CNTN6: variants seen among roughly 807,000 people sequenced by gnomAD.
CNTN6 encodes contactin-6.
Under a neutral mutation model 122.8 loss-of-function variants are expected in CNTN6, and 137 were observed. That is an observed-to-expected ratio of 1.12 (90% CI 0.97 to 1.29). CNTN6 has a LOEUF of 1.29. CNTN6 is among the 50% of genes most tolerant of loss of function. The pLI is 0.00. For missense variants in CNTN6, 1,634 were observed against 1,223.4 expected (o/e 1.34, Z -5.01); for synonymous variants, 570 against 426.0 (o/e 1.34, Z -4.16).
rs1231954085 is a variant in CNTN6, at chr3:1,402,455, C to G, written c.2955C>G (p.Ser985Arg). ...TCAGTGATGGTGGAGATGGAAGCAG[C>G]AGTGAGGAAATTAGGATTCCAAAAA... ...RTVSDGGDGS[S>R]SEEIRIPKMS... The change falls in exon 22 of 23, where the codon AGC becomes AGG. Residue 985 changes from serine to arginine, a missense_variant. Physicochemically the swap from Ser to Arg is moderately radical, Grantham distance 110 (BLOSUM62 -1). Transcript: ENST00000446702. The G allele has an allele frequency of 6.2e-7, 1 of 1,610,424 alleles. No individual in the cohort carries two copies. The highest frequency in any genetic ancestry group is 1.7e-5 in the Admixed American group (1 of 59,812).
intron 4 of CNTN6, among the ~76,000 whole-genome samples, chr3:1,250,924 G>T (rs376688897): frequency 5.2e-4 from 42 of 80,408 alleles, no homozygotes; most frequent in African/African-American, 2.2e-3. Flanking sequence ...ATTTCCAGAT[G>T]ATCCCTCCTC....
At chr3:1,345,425 CTTATAA>C (rs1460263225) in intron 11 of CNTN6, among the ~76,000 whole-genome samples, 1 of 152,048 alleles carries the variant, frequency 6.6e-6, no homozygotes, top group Non-Finnish European at 1.5e-5. Context: ...CATACAATTA[CTTATAA>C]TTAAAGTTAC....
chr3:1,218,594 T>C (rs2094161110), intron 2 of CNTN6, among the ~76,000 whole-genome samples: 1 of 152,090 alleles, frequency 6.6e-6, no homozygotes, highest in South Asian at 2.1e-4. Flanking sequence ...ACTAGTCACA[T>C]ACAGGGGAAG....
intron 12 of CNTN6, among the ~76,000 whole-genome samples, chr3:1,369,823 A>T (rs1183997599): frequency 1.3e-5 from 2 of 151,858 alleles, no homozygotes; most frequent in Non-Finnish European, 1.5e-5. Flanking sequence ...AGTTCTAAAA[A>T]ATTTTCTTGG....
intron 8 of CNTN6, among the ~76,000 whole-genome samples, chr3:1,324,743 C>A (rs973631348): frequency 2.0e-5 from 3 of 149,462 alleles, no homozygotes; most frequent in Admixed American, 1.3e-4. Context: ...TTTCCTGATG[C>A]TTTTCCCTTG....
intron 7 of CNTN6, among the ~76,000 whole-genome samples, chr3:1,314,073 G>A (rs2125936281): frequency 6.6e-6 from 1 of 152,120 alleles, no homozygotes; most frequent in South Asian, 2.1e-4. Context: ...CTGACTGCAA[G>A]GACAGAATCA....
intron 2 of CNTN6, among the ~76,000 whole-genome samples, chr3:1,193,762 C>T (rs764029615): frequency 2.6e-5 from 4 of 152,216 alleles, no homozygotes; most frequent in Non-Finnish European, 4.4e-5. Flanking sequence ...ATGCAGTCCA[C>T]TCTGTGAACA....
chr3:1,118,067 G>A (rs180917892), intron 1 of CNTN6, among the ~76,000 whole-genome samples: 3 of 152,220 alleles, frequency 2.0e-5, no homozygotes, highest in Admixed American at 2.0e-4. Context: ...AAATACCTAT[G>A]CCATGTTTTC....
chr3:1,158,899 T>TACACACAC (rs1215687212), intron 2 of CNTN6, among the ~76,000 whole-genome samples: 1 of 129,846 alleles, frequency 7.7e-6, no homozygotes, highest in African/African-American at 3.3e-5. Context: ...CACATATATA[T>TACACACAC]ACACATATAT....
At chr3:1,395,038 G>A (rs559547932) in intron 20 of CNTN6, among the ~76,000 whole-genome samples, 1 of 152,236 alleles carries the variant, frequency 6.6e-6, no homozygotes, top group African/African-American at 2.4e-5. Flanking sequence ...GTAATTCCTA[G>A]ATATCTAGTT....
intron 4 of CNTN6, among the ~76,000 whole-genome samples, chr3:1,258,675 G>A (rs888628314): frequency 1.3e-5 from 2 of 152,104 alleles, no homozygotes; most frequent in South Asian, 2.1e-4. Context: ...TTTTCTCCTC[G>A]TGTCACCTTT....
In CNTN6 at chr3:1,176,055, C is replaced by G. The variant is rs187204986; in HGVS notation, c.55+27992C>G. ...TTGAAAAGCTCTGAGTTTATTGTCC[C>G]TGTAGAAATATTGAGTACAAACAGT... On this transcript the variant is annotated intron_variant, in intron 2 of 22. Coordinates refer to ENST00000446702, the MANE Select transcript of CNTN6 (RefSeq NM_001289080.2). 2.6e-3 allele frequency among the ~76,000 whole-genome samples: 390 copies of G among 152,134 alleles called. 1 individual carries two copies. The highest frequency in any genetic ancestry group is 9.1e-3 in the African/African-American group (376 of 41,498).
At chr3:1,209,546 C>G (rs186590724) in intron 2 of CNTN6, among the ~76,000 whole-genome samples, 1 of 152,150 alleles carries the variant, frequency 6.6e-6, no homozygotes, top group East Asian at 1.9e-4. Context: ...GATGTTCAAG[C>G]GTTATTGAAC....
chr3:1,401,347 CTT>C (rs1695681225), intron 20 of CNTN6, 84 bp from the exon 21 acceptor site: 4 of 1,042,432 alleles, frequency 3.8e-6, no homozygotes, highest in Middle Eastern at 2.0e-4. Flanking sequence ...TCATCGAAGA[CTT>C]ATTTTTTCTT....
chr3:1,176,505 T>C (rs1226328369), intron 2 of CNTN6, among the ~76,000 whole-genome samples: 1 of 152,084 alleles, frequency 6.6e-6, no homozygotes, highest in Non-Finnish European at 1.5e-5. Flanking sequence ...GCAACGGTGA[T>C]GGAGAAATAT....
chr3:1,200,791 A>C (rs934933214), intron 2 of CNTN6, among the ~76,000 whole-genome samples: 1 of 152,056 alleles, frequency 6.6e-6, no homozygotes, highest in African/African-American at 2.4e-5. Flanking sequence ...TTATCTCTCT[A>C]GCCCCATTTC....
intron 1 of CNTN6, among the ~76,000 whole-genome samples, chr3:1,098,789 CAT>C (rs1169127167): frequency 0.024 from 1,507 of 63,208 alleles, 21 homozygotes; most frequent in South Asian, 0.038. Context: ...CACACACACA[CAT>C]ATATATATAT....
chr3:1,275,749 G>A (rs143728281), intron 4 of CNTN6, among the ~76,000 whole-genome samples: 41 of 152,204 alleles, frequency 2.7e-4, no homozygotes, highest in African/African-American at 8.9e-4. Context: ...TCACATGCGC[G>A]GTTCACAATA....
intron 1 of CNTN6, among the ~76,000 whole-genome samples, chr3:1,114,421 CAT>C (rs2091622933): frequency 6.6e-6 from 1 of 152,148 alleles, no homozygotes; most frequent in Non-Finnish European, 1.5e-5. Context: ...GAAGTAATGA[CAT>C]AGAATAGCAT....
Sources: gnomAD v4.1 joint callset for allele counts (sites outside exome capture counted in the v4.1 genomes callset) on GRCh38, gnomAD v4.1.1 for gene constraint, MANE v1.5 for transcripts, NCBI Gene and HGNC (gene_info 2026-07-23, HGNC 2026-07-21) for gene names.